Variants in VAT1L observed in about 807,000 individuals in gnomAD.
The protein encoded by VAT1L is vesicle amine transport 1 like.
Under a neutral mutation model 44.1 loss-of-function variants are expected in VAT1L, and 34 were observed. The observed-to-expected ratio is 0.77, with a 90% CI of 0.59 to 1.03. The LOEUF (loss-of-function observed/expected upper bound fraction) is 1.03, where lower values mean the gene tolerates loss of function less well. Among genes scored for constraint, VAT1L ranks in the 50% least tolerant of loss-of-function variants. The pLI is 0.00. For synonymous variants in VAT1L, 253 were observed against 202.2 expected (o/e 1.25, Z -2.13); for missense variants, 615 against 538.8 (o/e 1.14, Z -1.40).
At chr16:77,976,941 G>T (rs1046974484) in intron 8 of VAT1L, among the ~76,000 whole-genome samples, 3 of 152,172 alleles carry the variant, frequency 2.0e-5, no homozygotes, top group South Asian at 2.1e-4. Flanking sequence ...TGTTCTGGTT[G>T]TTGTGTCTGC....
chr16:77,795,623 C>T (rs938799067), intron 1 of VAT1L, among the ~76,000 whole-genome samples: 1 of 152,030 alleles, frequency 6.6e-6, no homozygotes, highest in Non-Finnish European at 1.5e-5. Flanking sequence ...TGGGTCAATT[C>T]AGAAAAGATT....
intron 3 of VAT1L, among the ~76,000 whole-genome samples, chr16:77,859,595 A>T (rs995990570): frequency 6.6e-6 from 1 of 152,222 alleles, no homozygotes; most frequent in Non-Finnish European, 1.5e-5. Flanking sequence ...TGTCACTCTG[A>T]CCACAGAAGG....
At chr16:77,857,300 A>G (rs2016868968) in intron 3 of VAT1L, among the ~76,000 whole-genome samples, 1 of 152,194 alleles carries the variant, frequency 6.6e-6, no homozygotes, top group East Asian at 1.9e-4. Flanking sequence ...AGTCCATGCT[A>G]TTTGCTAGGC....
chr16:77,794,359 T>C (rs1336005833), intron 1 of VAT1L, among the ~76,000 whole-genome samples: 1 of 152,218 alleles, frequency 6.6e-6, no homozygotes, highest in Non-Finnish European at 1.5e-5. Context: ...ATACAGTATG[T>C]GGGATGCTTT....
At chr16:77,916,799 CTT>C (rs34522921) in intron 7 of VAT1L, among the ~76,000 whole-genome samples, 187 of 139,862 alleles carry the variant, frequency 1.3e-3, no homozygotes, top group Middle Eastern at 3.8e-3. Flanking sequence ...GCGCTTTGCT[CTT>C]TTTTTTTTTT....
chr16:77,923,259 G>A (rs112777116), intron 7 of VAT1L, among the ~76,000 whole-genome samples: 5,309 of 152,258 alleles, frequency 0.035, 320 homozygotes, highest in African/African-American at 0.12. Context: ...GACCATCCTG[G>A]TTAACATGGT....
At chr16:77,885,900 C>T (rs1254020143) in intron 7 of VAT1L, among the ~76,000 whole-genome samples, 1 of 152,114 alleles carries the variant, frequency 6.6e-6, no homozygotes, top group Non-Finnish European at 1.5e-5. Flanking sequence ...GGTCCTAGAT[C>T]AATGGAGCAG....
chr16:77,836,632 A>G (rs2016641919), intron 3 of VAT1L, among the ~76,000 whole-genome samples: 1 of 152,194 alleles, frequency 6.6e-6, no homozygotes, highest in South Asian at 2.1e-4. Context: ...CTCTAATGCC[A>G]ACAGCACATG....
intron 7 of VAT1L, among the ~76,000 whole-genome samples, chr16:77,931,532 A>G (rs1211568686): frequency 1.3e-5 from 2 of 152,274 alleles, no homozygotes; most frequent in East Asian, 3.8e-4. Context: ...TCTGATGTGT[A>G]AAATTCACCA....
chr16:77,908,371 A>C (rs1851847016), intron 7 of VAT1L, among the ~76,000 whole-genome samples: 1 of 146,628 alleles, frequency 6.8e-6, no homozygotes, highest in African/African-American at 2.5e-5. Context: ...CTGAGGCAGG[A>C]GAATCTTGCT....
intron 7 of VAT1L, among the ~76,000 whole-genome samples, chr16:77,895,349 ATATTT>A (rs1214609493): frequency 3.6e-5 from 1 of 27,872 alleles, no homozygotes; most frequent in Non-Finnish European, 1.6e-4. Context: ...AATCCCTAGA[ATATTT>A]GAACATGTTA....
intron 7 of VAT1L, among the ~76,000 whole-genome samples, chr16:77,885,489 G>A (rs1383116785): frequency 1.3e-5 from 2 of 152,162 alleles, no homozygotes; most frequent in Non-Finnish European, 2.9e-5. Flanking sequence ...TGGGGAGTCA[G>A]TTAATGGCAG....
At chr16:77,941,831 C>T (rs1258625723) in intron 7 of VAT1L, among the ~76,000 whole-genome samples, 1 of 152,178 alleles carries the variant, frequency 6.6e-6, no homozygotes, top group Non-Finnish European at 1.5e-5. Context: ...TCAGGTGATC[C>T]ACCTGCCTCG....
intron 7 of VAT1L, among the ~76,000 whole-genome samples, chr16:77,962,720 A>G (rs403003): frequency 0.45 from 48,287 of 107,256 alleles, 8,208 homozygotes; most frequent in South Asian, 0.55. Context: ...TTTTCTCTAC[A>G]AAAGAAGGAA....
chr16:77,964,304 C>G (rs1198589651), intron 7 of VAT1L, among the ~76,000 whole-genome samples: 1 of 152,122 alleles, frequency 6.6e-6, no homozygotes, highest in East Asian at 1.9e-4. Context: ...TCTTACAGTT[C>G]TGAAAGCCCA....
At chr16:77,800,424 G>A (rs1297123765) in intron 1 of VAT1L, 1 of 152,182 alleles carries the variant, frequency 6.6e-6, no homozygotes, top group Non-Finnish European at 1.5e-5. Flanking sequence ...GACCAACATG[G>A]ATGTTAAAAT....
At chr16:77,962,727 G>T (rs558803596) in intron 7 of VAT1L, among the ~76,000 whole-genome samples, 4 of 129,492 alleles carry the variant, frequency 3.1e-5, no homozygotes, top group African/African-American at 1.2e-4. Flanking sequence ...TACAAAAGAA[G>T]GAAAGAAGGA....
intron 7 of VAT1L, among the ~76,000 whole-genome samples, chr16:77,920,827 T>C (rs2017603887): frequency 6.6e-6 from 1 of 152,160 alleles, no homozygotes. Flanking sequence ...GGCTATACCG[T>C]CAAGGTTTGT....
At chr16:77,847,067 G>A (rs2016765170) in intron 3 of VAT1L, among the ~76,000 whole-genome samples, 1 of 152,156 alleles carries the variant, frequency 6.6e-6, no homozygotes, top group Non-Finnish European at 1.5e-5. Context: ...GCTTAGTAGA[G>A]GTCAGAGTAG....
Sources: allele counts gnomAD v4.1 joint callset (sites outside exome capture counted in the v4.1 genomes callset), GRCh38; gene constraint gnomAD v4.1.1; transcripts MANE v1.5; gene names NCBI Gene and HGNC (gene_info 2026-07-23, HGNC 2026-07-21).